Variants in ROBO2 observed in about 807,000 individuals in gnomAD.
ROBO2 encodes roundabout guidance receptor 2, also known as roundabout homolog 2.
ROBO2 carries 53 observed loss-of-function variants against 160.8 expected under a neutral mutation model. The ratio of observed to expected loss-of-function variants is 0.33; its 90% CI spans 0.26 to 0.41. ROBO2 has a LOEUF of 0.41. Ranked by LOEUF, ROBO2 falls within the 10% of genes least tolerant of loss-of-function variation. The pLI, the probability that ROBO2 is intolerant of heterozygous loss-of-function variation, is 1.00. For missense variants in ROBO2, 1,577 were observed against 1,722.4 expected, an observed-to-expected ratio of 0.92 and a Z score of 1.49; for synonymous variants, 664 against 611.7, an observed-to-expected ratio of 1.09 and a Z score of -1.26.
At chr3:76,750,457 C>T (rs1223688354) in intron 2 of ROBO2, among the ~76,000 whole-genome samples, 1 of 151,936 alleles carries the variant, frequency 6.6e-6, no homozygotes. Flanking sequence ...GGCAATCAGG[C>T]GGGAGAAAGA....
chr3:76,802,458 G>T (rs1444076621), intron 2 of ROBO2, among the ~76,000 whole-genome samples: 2 of 152,014 alleles, frequency 1.3e-5, no homozygotes. Flanking sequence ...GCCGGGCGCG[G>T]TGGCTCACGC....
intron 2 of ROBO2, among the ~76,000 whole-genome samples, chr3:77,281,161 A>T (rs1016613168): frequency 2.6e-5 from 4 of 152,230 alleles, no homozygotes; most frequent in Non-Finnish European, 4.4e-5. Context: ...TGTATAATCA[A>T]TCCTAGCTGA....
At chr3:76,168,216 A>C (rs1026844239) in intron 2 of ROBO2, among the ~76,000 whole-genome samples, 1 of 152,210 alleles carries the variant, frequency 6.6e-6, no homozygotes, top group Non-Finnish European at 1.5e-5. Flanking sequence ...TGTCATTTCA[A>C]TGTCAAACCC....
chr3:76,501,777 T>C (rs2080474271), intron 2 of ROBO2, among the ~76,000 whole-genome samples: 1 of 152,202 alleles, frequency 6.6e-6, no homozygotes. Context: ...TTTTATAACA[T>C]TTTATATTAA....
At chr3:76,297,305 C>A (rs976867294) in intron 2 of ROBO2, among the ~76,000 whole-genome samples, 1 of 152,212 alleles carries the variant, frequency 6.6e-6, no homozygotes, top group African/African-American at 2.4e-5. Flanking sequence ...AGTTAACACA[C>A]CTACTTGGAG....
chr3:76,014,747 G>A (rs2066355287), intron 2 of ROBO2, among the ~76,000 whole-genome samples: 1 of 152,144 alleles, frequency 6.6e-6, no homozygotes, highest in African/African-American at 2.4e-5. Context: ...GGGCAACAGG[G>A]AAAGACCAGT....
At chr3:76,871,616 AG>A (rs2072100194) in intron 2 of ROBO2, among the ~76,000 whole-genome samples, 1 of 152,192 alleles carries the variant, frequency 6.6e-6, no homozygotes, top group African/African-American at 2.4e-5. Context: ...TCAACCATTG[AG>A]TCACTTAAGG....
At position 76,359,017 on chromosome 3, in the gene ROBO2, G is replaced by T. The variant is rs2324544; in HGVS notation, c.109+421415G>T. Among the ~76,000 whole-genome samples, 7 of 146,768 alleles carry T rather than the reference G, an allele frequency of 4.8e-5. No homozygotes were observed. The Admixed American group carries it at 5.0e-4, about 10-fold the overall frequency. On this transcript the variant is annotated intron_variant, in intron 2 of 26. Transcript: ENST00000487694. ...AATTCCCGCCTATGAGTGAGAACAC[G>T]CGGTGTTTGGTTTTTTGTCCTTGCG...
intron 6 of ROBO2, among the ~76,000 whole-genome samples, chr3:77,541,717 G>C (rs2092469489): frequency 6.6e-6 from 1 of 152,150 alleles, no homozygotes; most frequent in Non-Finnish European, 1.5e-5. Context: ...ATAATCACGT[G>C]ACAGATTAAG....
intron 2 of ROBO2, among the ~76,000 whole-genome samples, chr3:77,353,883 T>A (rs1187322106): frequency 6.6e-6 from 1 of 152,176 alleles, no homozygotes; most frequent in Non-Finnish European, 1.5e-5. Context: ...TTGATGTAGA[T>A]CTTCTGAAAT....
chr3:77,144,058 T>A (rs2076934924), intron 2 of ROBO2, among the ~76,000 whole-genome samples: 1 of 152,194 alleles, frequency 6.6e-6, no homozygotes, highest in African/African-American at 2.4e-5. Flanking sequence ...GATCTTACCT[T>A]ATTTAGACAA....
intron 2 of ROBO2, among the ~76,000 whole-genome samples, chr3:76,101,415 A>T (rs1048108279): frequency 6.6e-6 from 1 of 152,276 alleles, no homozygotes; most frequent in Non-Finnish European, 1.5e-5. Flanking sequence ...TGAATTTGCA[A>T]CACTAAAAGG....
At chr3:77,143,430 A>G (rs1028195534) in intron 2 of ROBO2, among the ~76,000 whole-genome samples, 11 of 151,890 alleles carry the variant, frequency 7.2e-5, no homozygotes, top group African/African-American at 2.2e-4. Context: ...TCTTGATCTC[A>G]AGTGATCCAT....
intron 2 of ROBO2, among the ~76,000 whole-genome samples, chr3:76,409,779 T>C (rs2075392923): frequency 6.6e-6 from 1 of 151,978 alleles, no homozygotes; most frequent in Admixed American, 6.6e-5. Flanking sequence ...CTAAGCATAA[T>C]AACAACAAAA....
chr3:77,413,716 G>GATATAA (rs1450786815), intron 2 of ROBO2, among the ~76,000 whole-genome samples: 1 of 152,194 alleles, frequency 6.6e-6, no homozygotes, highest in Non-Finnish European at 1.5e-5. Context: ...CACTCTATGT[G>GATATAA]AGGATATAAA....
intron 2 of ROBO2, among the ~76,000 whole-genome samples, chr3:76,069,805 C>A (rs1462945462): frequency 6.6e-6 from 1 of 151,942 alleles, no homozygotes; most frequent in Non-Finnish European, 1.5e-5. Flanking sequence ...AGTCAGGGAC[C>A]CTGAACGAAG....
intron 1 of ROBO2, among the ~76,000 whole-genome samples, chr3:77,066,230 G>A (rs1479967485): frequency 6.6e-6 from 1 of 152,098 alleles, no homozygotes; most frequent in Non-Finnish European, 1.5e-5. Context: ...TGTCTTAGTA[G>A]TAGTTTTATA....
chr3:76,779,462 C>T (rs1008607636), intron 2 of ROBO2, among the ~76,000 whole-genome samples: 1 of 150,732 alleles, frequency 6.6e-6, no homozygotes, highest in African/African-American at 2.4e-5. Flanking sequence ...ACTTATTTAT[C>T]TCCCATAACT....
At chr3:77,075,859 G>T (rs2067941700) in intron 1 of ROBO2, among the ~76,000 whole-genome samples, 1 of 151,412 alleles carries the variant, frequency 6.6e-6, no homozygotes, top group Non-Finnish European at 1.5e-5. Context: ...TGTATTTTTA[G>T]TAGAGATGGG....
Sources: gnomAD v4.1 joint callset for allele counts (sites outside exome capture counted in the v4.1 genomes callset) on GRCh38, gnomAD v4.1.1 for gene constraint, MANE v1.5 for transcripts, NCBI Gene and HGNC (gene_info 2026-07-23, HGNC 2026-07-21) for gene names.